The following EFCAB11 variants were observed in gnomAD, a reference collection of about 807,000 sequenced individuals.
EFCAB11 encodes EF-hand calcium binding domain 11.
EFCAB11 carries 14 observed loss-of-function variants against 23.0 expected under a neutral mutation model. That is an observed-to-expected ratio of 0.61 (90% CI 0.40 to 0.95). The LOEUF (loss-of-function observed/expected upper bound fraction) is 0.95, where lower values mean the gene tolerates loss of function less well. Among genes scored for constraint, EFCAB11 ranks in the 40% least tolerant of loss-of-function variants. The pLI, the probability that EFCAB11 is intolerant of heterozygous loss-of-function variation, is 0.00. For synonymous variants in EFCAB11, 65 were observed against 66.6 expected (o/e 0.98, Z 0.11); for missense variants, 198 against 195.8 (o/e 1.01, Z -0.07).
At position 89,899,405 on chromosome 14, in the gene EFCAB11, C is replaced by G. The variant is rs372881263; in HGVS notation, c.410+32136G>C. Among the ~76,000 whole-genome samples the G allele has an allele frequency of 2.9e-3, 440 of 152,318 alleles. 2 individuals carry two copies. The highest frequency in any genetic ancestry group is 9.8e-3 in the African/African-American group (407 of 41,576). Reference sequence around the variant, plus strand: ...ATTTACATGCTCAAGTAACACTACACACATGCTCTCCAAAATTCTAGACTT... The same window carrying G: ...ATTTACATGCTCAAGTAACACTACAGACATGCTCTCCAAAATTCTAGACTT... On this transcript the variant is annotated intron_variant, in intron 5 of 5. Coordinates refer to ENST00000316738, the MANE Select transcript of EFCAB11 (RefSeq NM_145231.4).
Position 89,809,365 on chromosome 14 carries a change from T to TACC in EFCAB11, c.411-12044_411-12042dup, listed in dbSNP as rs1325482638. 2.6e-5 allele frequency among the ~76,000 whole-genome samples: 4 copies of TACC among 152,310 alleles called. No individual in the cohort carries two copies. The East Asian group carries it at 7.7e-4, about 29-fold the overall frequency. On this transcript the variant is annotated intron_variant, in intron 5 of 5. Coordinates refer to ENST00000316738, the MANE Select transcript of EFCAB11 (RefSeq NM_145231.4). ...GCTCTCCCATAAATTGCCACACTAA[T>TACC]ACCAATTTCAGGGATTCAAATTACT...
chr14:89,931,749 T>C (rs1300108593), intron 4 of EFCAB11, 118 bp from the exon 5 acceptor site: 1 of 741,792 alleles, frequency 1.3e-6, no homozygotes, highest in African/African-American at 1.8e-5. Flanking sequence ...AAGCAGTAGT[T>C]TACGATTGAT....
At chr14:89,832,436 T>G (rs1201080888) in intron 5 of EFCAB11, among the ~76,000 whole-genome samples, 2 of 152,120 alleles carry the variant, frequency 1.3e-5, no homozygotes, top group Non-Finnish European at 2.9e-5. Flanking sequence ...ACTTGGGAGC[T>G]CTCCAGTTTG....
chr14:89,801,781 G>A (rs1011572836), intron 5 of EFCAB11, among the ~76,000 whole-genome samples: 2 of 152,130 alleles, frequency 1.3e-5, no homozygotes, highest in Non-Finnish European at 2.9e-5. Flanking sequence ...ATCACTGGAG[G>A]TCAGGAGTTC....
intron 5 of EFCAB11, among the ~76,000 whole-genome samples, chr14:89,851,109 AT>A (rs1887589244): frequency 6.6e-6 from 1 of 152,154 alleles, no homozygotes; most frequent in Non-Finnish European, 1.5e-5. Context: ...TAAACACTTT[AT>A]TTTGTAGTCA....
chr14:89,900,916 C>G (rs576397958), intron 5 of EFCAB11, among the ~76,000 whole-genome samples: 1 of 152,052 alleles, frequency 6.6e-6, no homozygotes, highest in Non-Finnish European at 1.5e-5. Flanking sequence ...TCTTATAAAT[C>G]ACTGGAAAGT....
chr14:89,879,663 C>A (rs1024730544), intron 5 of EFCAB11, among the ~76,000 whole-genome samples: 1 of 152,080 alleles, frequency 6.6e-6, no homozygotes, highest in African/African-American at 2.4e-5. Flanking sequence ...TTACTTTTGC[C>A]AAACCAAGTT....
chr14:89,817,475 C>T (rs982674761), intron 5 of EFCAB11, among the ~76,000 whole-genome samples: 6 of 152,084 alleles, frequency 3.9e-5, no homozygotes, highest in African/African-American at 7.2e-5. Flanking sequence ...GAGCTATGAT[C>T]GTACCACTGC....
intron 5 of EFCAB11, among the ~76,000 whole-genome samples, chr14:89,890,627 T>C (rs1888935446): frequency 6.6e-6 from 1 of 152,164 alleles, no homozygotes; most frequent in Non-Finnish European, 1.5e-5. Context: ...AAACTAAAGA[T>C]GCTGGATAAG....
intron 2 of EFCAB11, chr14:89,952,707 T>C: frequency 5.6e-6 from 4 of 712,074 alleles, no homozygotes; most frequent in Non-Finnish European, 6.9e-6. Flanking sequence ...AGGCATGACA[T>C]CACAGGGTCC....
chr14:89,837,493 C>A (rs1231200385), intron 5 of EFCAB11, among the ~76,000 whole-genome samples: 1 of 152,158 alleles, frequency 6.6e-6, no homozygotes, highest in African/African-American at 2.4e-5. Flanking sequence ...CCTTTAGAGC[C>A]TGCTGTTCTT....
At chr14:89,953,768 A>T (rs1891291458) in intron 2 of EFCAB11, 138 bp downstream of exon 2, 2 of 627,724 alleles carry the variant, frequency 3.2e-6, no homozygotes, top group East Asian at 5.7e-5. Flanking sequence ...GAGGAAGCTA[A>T]AATTCAGCAC....
At chr14:89,914,947 A>ATT (rs1889789742) in intron 5 of EFCAB11, among the ~76,000 whole-genome samples, 1 of 152,158 alleles carries the variant, frequency 6.6e-6, no homozygotes, top group South Asian at 2.1e-4. Flanking sequence ...CTAAACAGTA[A>ATT]AGGGTTAAAC....
Position 89,921,085 on chromosome 14 carries a change from A to G in EFCAB11, c.410+10456T>C, listed in dbSNP as rs569076418. On this transcript the variant is annotated intron_variant, in intron 5 of 5. Coordinates refer to ENST00000316738, the MANE Select transcript of EFCAB11 (RefSeq NM_145231.4). ...GTCTAAAAAAAAAAAAAGAAAAGAA[A>G]GAAAGAAAAGAAAGGCTACATAGAA... 2.8e-3 allele frequency among the ~76,000 whole-genome samples: 405 copies of G among 145,350 alleles called. 2 individuals carry two copies. Among genetic ancestry groups the G allele is most frequent in the African/African-American group, 0.011 (390 of 35,950 alleles).
intron 5 of EFCAB11, among the ~76,000 whole-genome samples, chr14:89,930,120 G>A (rs758545603): frequency 1.3e-5 from 2 of 152,186 alleles, no homozygotes; most frequent in Non-Finnish European, 2.9e-5. Context: ...GCTAAGTAAT[G>A]TTTTCCCATA....
chr14:89,827,673 G>A (rs890171305), intron 5 of EFCAB11, among the ~76,000 whole-genome samples: 3 of 124,866 alleles, frequency 2.4e-5, no homozygotes, highest in Non-Finnish European at 3.1e-5. Context: ...TGCTCTTGTC[G>A]CCCAGGCTGG....
intron 5 of EFCAB11, among the ~76,000 whole-genome samples, chr14:89,801,758 C>T (rs1479083970): frequency 6.6e-6 from 1 of 152,170 alleles, no homozygotes; most frequent in Non-Finnish European, 1.5e-5. Context: ...TTTTGGGAGG[C>T]CGCGGCAGGT....
At chr14:89,836,482 T>C (rs1285207894) in intron 5 of EFCAB11, 3 of 447,158 alleles carry the variant, frequency 6.7e-6, no homozygotes, top group African/African-American at 6.0e-5. Context: ...GGGATGTGGA[T>C]TAAGCATGGA....
At chr14:89,869,297 C>A (rs763064487) in intron 5 of EFCAB11, among the ~76,000 whole-genome samples, 6 of 152,176 alleles carry the variant, frequency 3.9e-5, no homozygotes, top group Non-Finnish European at 8.8e-5. Context: ...AAAATATTAA[C>A]CATCTTGGTA....
Sources: allele counts gnomAD v4.1 joint callset (sites outside exome capture counted in the v4.1 genomes callset), GRCh38; gene constraint gnomAD v4.1.1; transcripts MANE v1.5; gene names NCBI Gene and HGNC (gene_info 2026-07-23, HGNC 2026-07-21).